Variants in MAP3K15 observed in about 807,000 individuals in gnomAD.
MAP3K15 encodes the protein MAPK/ERK kinase kinase 15.
In MAP3K15, 124 loss-of-function variants were observed where a neutral mutation model predicts 99.5. That is an observed-to-expected ratio of 1.25 (90% CI 1.08 to 1.45). The LOEUF (loss-of-function observed/expected upper bound fraction) is 1.45, where lower values mean the gene tolerates loss of function less well. Ranked by LOEUF, MAP3K15 falls within the 40% of genes most tolerant of loss-of-function variation. The pLI is 0.00. For synonymous variants in MAP3K15, 494 were observed against 439.6 expected (o/e 1.12, Z -1.55); for missense variants, 1,242 against 1,079.7 (o/e 1.15, Z -2.11).
At chrX:19,392,610 T>C in intron 16 of MAP3K15, 137 bp from the exon 17 acceptor site, 1 of 587,370 alleles carries the variant, frequency 1.7e-6, no homozygotes, top group Non-Finnish European at 2.6e-6. Context: ...AAATGCAACA[T>C]GTTTCCTCCC....
At chrX:19,455,655 C>T (rs979483061) in intron 6 of MAP3K15, among the ~76,000 whole-genome samples, 3 of 106,988 alleles carry the variant, frequency 2.8e-5, no homozygotes, top group East Asian at 5.9e-4. Flanking sequence ...CCACTGCGGC[C>T]GGCCCCAATT....
At chrX:19,367,631 C>G (rs900668809) in intron 25 of MAP3K15, among the ~76,000 whole-genome samples, 17 of 107,235 alleles carry the variant, frequency 1.6e-4, no homozygotes, top group African/African-American at 4.4e-4. Context: ...CCTTGTCTCC[C>G]GGTTAAATAG....
chrX:19,364,389 C>T (rs1016373185), intron 25 of MAP3K15, among the ~76,000 whole-genome samples: 1 of 111,602 alleles, frequency 9.0e-6, no homozygotes, highest in Non-Finnish European at 1.9e-5. Context: ...GCTCAGAAAA[C>T]AGTGCCCCCA....
intron 7 of MAP3K15, among the ~76,000 whole-genome samples, chrX:19,428,725 G>A (rs1256349679): frequency 1.8e-5 from 2 of 111,804 alleles, no homozygotes; most frequent in East Asian, 2.8e-4. Flanking sequence ...CCAGCACTTC[G>A]AGAGGCCGAG....
chrX:19,367,994 A>G (rs1366473587), intron 25 of MAP3K15, among the ~76,000 whole-genome samples: 1 of 108,113 alleles, frequency 9.2e-6, no homozygotes, highest in African/African-American at 3.4e-5. Flanking sequence ...TGATCCACCC[A>G]TCTTGGCCTC....
chrX:19,362,847 A>G lies in MAP3K15; in HGVS notation c.3570T>C (p.Leu1190=). 1 of 1,087,363 alleles carries G rather than the reference A, an allele frequency of 9.2e-7. No individual in the cohort carries two copies. The allele number at this position is 1,087,363 out of a possible 1,213,427, so 89.6% of individuals were successfully genotyped here. Residue 1190 remains leucine, a synonymous_variant, in exon 26 of 29, where the codon CTT becomes CTC. Coordinates refer to ENST00000338883, the MANE Select transcript of MAP3K15 (RefSeq NM_001001671.4). The part of the protein sequence containing the change: ...LGELRQETNR[L]LEHLVEKERE... ...TCTCTTTTTCAACTAGGTGTTCCAA[A>G]AGTCTGGTTTAAAAAAAAAAAAAAA...
intron 6 of MAP3K15, among the ~76,000 whole-genome samples, chrX:19,443,022 C>CT (rs35963207): frequency 0.048 from 822 of 17,215 alleles, 310 homozygotes; most frequent in African/African-American, 0.21. Flanking sequence ...CCATGCCCGG[C>CT]TTTTTTTTTT....
At position 19,418,801 on chromosome X, in the gene MAP3K15, A is replaced by G. The variant is rs745446200; in HGVS notation, c.1440-3544T>C. On this transcript the variant is annotated intron_variant, in intron 9 of 28. Transcript: ENST00000338883. Reference sequence around the variant, plus strand: ...GGAAGCCAGAGAGAGAGGTCAGGTTACCCACAAAGGGAAGCCCATCAGACT... The same window carrying G: ...GGAAGCCAGAGAGAGAGGTCAGGTTGCCCACAAAGGGAAGCCCATCAGACT... Among the ~76,000 whole-genome samples, 4 of 112,166 alleles carry G rather than the reference A, an allele frequency of 3.6e-5. No homozygotes were observed. In the South Asian group the frequency reaches 1.5e-3, roughly 42 times the overall value.
At chrX:19,365,809 C>T (rs181832237) in intron 25 of MAP3K15, among the ~76,000 whole-genome samples, 2 of 109,966 alleles carry the variant, frequency 1.8e-5, no homozygotes, top group Non-Finnish European at 3.8e-5. Flanking sequence ...GAGTTTGAGA[C>T]CGGCCTGGCC....
intron 2 of MAP3K15, 101 bp downstream of exon 2, chrX:19,488,727 T>G: frequency 1.2e-6 from 1 of 852,950 alleles, no homozygotes; most frequent in South Asian, 2.6e-5. Flanking sequence ...AAGCAAGTCT[T>G]TGTTTTTCTC....
chrX:19,422,058 A>T (rs1278403836), intron 9 of MAP3K15, among the ~76,000 whole-genome samples: 2 of 110,850 alleles, frequency 1.8e-5, no homozygotes, highest in Non-Finnish European at 3.8e-5. Flanking sequence ...TACATGTTAG[A>T]CCTAAAACCA....
intron 19 of MAP3K15, among the ~76,000 whole-genome samples, chrX:19,379,740 C>T (rs2063445453): frequency 9.0e-6 from 1 of 111,313 alleles, no homozygotes; most frequent in African/African-American, 3.3e-5. Context: ...CCGCGCCCGG[C>T]CTATATTTTC....
At chrX:19,410,360 C>T (rs758346137) in intron 11 of MAP3K15, among the ~76,000 whole-genome samples, 5 of 112,459 alleles carry the variant, frequency 4.4e-5, no homozygotes, top group Non-Finnish European at 7.5e-5. Flanking sequence ...AAGACTGCGA[C>T]AGACACCTTT....
intron 19 of MAP3K15, among the ~76,000 whole-genome samples, chrX:19,378,863 G>A (rs1028217919): frequency 1.8e-5 from 2 of 111,533 alleles, no homozygotes; most frequent in African/African-American, 6.5e-5. Flanking sequence ...GTTGGCCCCA[G>A]TACATGGGCT....
chrX:19,461,861 G>T (rs2064134402), intron 4 of MAP3K15, among the ~76,000 whole-genome samples: 1 of 110,448 alleles, frequency 9.1e-6, no homozygotes, highest in African/African-American at 3.3e-5. Flanking sequence ...CTTGGTGGTG[G>T]GTGCCTGTAA....
chrX:19,413,035 AGCCTGTAT>A (rs2063701314), intron 11 of MAP3K15, among the ~76,000 whole-genome samples: 1 of 109,850 alleles, frequency 9.1e-6, no homozygotes, highest in Non-Finnish European at 1.9e-5. Context: ...ACAACACACC[AGCCTGTAT>A]CCTCTACCCA....
chrX:19,451,081 T>G, intron 6 of MAP3K15, among the ~76,000 whole-genome samples: 1 of 107,256 alleles, frequency 9.3e-6, no homozygotes, highest in Non-Finnish European at 2.0e-5. Flanking sequence ...AGGTCAGGAG[T>G]TCGAGACCAG....
chrX:19,495,395 T>TAC (rs2064394010), intron 1 of MAP3K15, among the ~76,000 whole-genome samples: 1 of 111,791 alleles, frequency 8.9e-6, no homozygotes, highest in Admixed American at 9.5e-5. Flanking sequence ...AGCAAGTCCT[T>TAC]ACCAAGTGTC....
Position 19,373,560 on chromosome X carries a change from C to A in MAP3K15, c.2909G>T (p.Arg970Met). 1 of 1,172,623 alleles carries A rather than the reference C, an allele frequency of 8.5e-7. No homozygotes were observed. The highest frequency in any genetic ancestry group is 1.8e-5 in the African/African-American group (1 of 56,873). ...CCTGAGGAGGTGGCCAAGGTGGTGC[C>A]TGGGCGCCCGGGTCCTCTCAAAGAG... is the stretch of plus-strand genomic sequence containing the variant. ...DALFERTRAPRHHLGHLLSVP... is the reference protein window; with the variant it reads ...DALFERTRAPMHHLGHLLSVP... The change falls in exon 21 of 29, where the codon AGG (arginine) becomes ATG (methionine). Residue 970 changes from arginine (R) to methionine (M), a missense_variant. Physicochemically the swap from Arg to Met is moderately conservative, Grantham distance 91. Transcript: ENST00000338883.
Sources: gnomAD v4.1 joint callset for allele counts (sites outside exome capture counted in the v4.1 genomes callset) on GRCh38, gnomAD v4.1.1 for gene constraint, MANE v1.5 for transcripts, NCBI Gene and HGNC (gene_info 2026-07-23, HGNC 2026-07-21) for gene names.